CTNND2: variants seen among roughly 807,000 people sequenced by gnomAD.
CTNND2 encodes the protein catenin delta-2.
In CTNND2, 22 loss-of-function variants were observed where a neutral mutation model predicts 144.4. That is an observed-to-expected ratio of 0.15 (90% CI 0.11 to 0.22). The LOEUF (loss-of-function observed/expected upper bound fraction) is 0.22. CTNND2 is among the 10% of genes least tolerant of loss of function. CTNND2 has a pLI of 1.00. For missense variants in CTNND2, 1,353 were observed against 1,618.8 expected, an observed-to-expected ratio of 0.84 and a Z score of 2.82; for synonymous variants, 751 against 695.6, an observed-to-expected ratio of 1.08 and a Z score of -1.25.
chr5:11,451,472 A>G (rs1765312416), intron 3 of CTNND2, among the ~76,000 whole-genome samples: 1 of 152,236 alleles, frequency 6.6e-6, no homozygotes, highest in Non-Finnish European at 1.5e-5. Flanking sequence ...CCAAAAATCC[A>G]AAATCTGAAA....
At chr5:11,012,537 C>T (rs886285784) in intron 18 of CTNND2, among the ~76,000 whole-genome samples, 4 of 152,192 alleles carry the variant, frequency 2.6e-5, no homozygotes, top group South Asian at 4.1e-4. Context: ...GCAACCCTAG[C>T]GCATCTGAAA....
At chr5:11,429,427 G>A (rs1449448943) in intron 3 of CTNND2, among the ~76,000 whole-genome samples, 1 of 152,110 alleles carries the variant, frequency 6.6e-6, no homozygotes, top group Non-Finnish European at 1.5e-5. Flanking sequence ...TGCCTCTGGT[G>A]CCCACGTGTT....
At chr5:11,718,171 A>C (rs1319629430) in intron 2 of CTNND2, among the ~76,000 whole-genome samples, 1 of 152,190 alleles carries the variant, frequency 6.6e-6, no homozygotes, top group Non-Finnish European at 1.5e-5. Context: ...TATTCCAGGC[A>C]CTACGACAGG....
At chr5:11,742,049 G>GA (rs1177911915) in intron 1 of CTNND2, among the ~76,000 whole-genome samples, 1 of 151,798 alleles carries the variant, frequency 6.6e-6, no homozygotes, top group Non-Finnish European at 1.5e-5. Flanking sequence ...GGGACTCGGG[G>GA]GGAAAGGGTG....
intron 1 of CTNND2, among the ~76,000 whole-genome samples, chr5:11,815,555 G>A (rs1212796637): frequency 6.6e-6 from 1 of 151,942 alleles, no homozygotes; most frequent in Non-Finnish European, 1.5e-5. Flanking sequence ...ATAATCCCAA[G>A]GGGTTTTTTT....
At chr5:11,295,440 T>C (rs1748825139) in intron 9 of CTNND2, among the ~76,000 whole-genome samples, 1 of 152,156 alleles carries the variant, frequency 6.6e-6, no homozygotes, top group Non-Finnish European at 1.5e-5. Flanking sequence ...GCCATCCCCA[T>C]CAAGCTACCA....
intron 7 of CTNND2, among the ~76,000 whole-genome samples, chr5:11,375,467 T>C (rs780762954): frequency 2.6e-5 from 4 of 152,230 alleles, no homozygotes; most frequent in Non-Finnish European, 5.9e-5. Context: ...TTCTGTTATG[T>C]AATAAACAGT....
intron 1 of CTNND2, among the ~76,000 whole-genome samples, chr5:11,806,958 TTTTC>T (rs1792038611): frequency 6.6e-6 from 1 of 152,084 alleles, no homozygotes; most frequent in Non-Finnish European, 1.5e-5. Context: ...GTGATTCTCT[TTTTC>T]TTTATGTTTT....
At chr5:11,736,961 T>C (rs1787715426) in intron 1 of CTNND2, among the ~76,000 whole-genome samples, 1 of 152,220 alleles carries the variant, frequency 6.6e-6, no homozygotes, top group Non-Finnish European at 1.5e-5. Flanking sequence ...CAAACATTGC[T>C]CTACAGTTTA....
intron 20 of CTNND2, among the ~76,000 whole-genome samples, chr5:10,984,759 T>C (rs1295354233): frequency 7.2e-5 from 11 of 152,164 alleles, no homozygotes; most frequent in Admixed American, 3.9e-4. Context: ...AATCAACACA[T>C]TGAAGACTAG....
intron 2 of CTNND2, among the ~76,000 whole-genome samples, chr5:11,589,516 T>C (rs1479140406): frequency 6.6e-6 from 1 of 152,240 alleles, no homozygotes; most frequent in East Asian, 1.9e-4. Flanking sequence ...TGAAATAGAT[T>C]ACAATTCAAA....
intron 2 of CTNND2, among the ~76,000 whole-genome samples, chr5:11,664,212 T>C (rs1010051380): frequency 6.6e-5 from 10 of 152,334 alleles, no homozygotes; most frequent in African/African-American, 9.6e-5. Context: ...TTGTTATCAA[T>C]AGAACATTTT....
At chr5:11,429,532 T>G (rs1347586972) in intron 3 of CTNND2, among the ~76,000 whole-genome samples, 1 of 152,182 alleles carries the variant, frequency 6.6e-6, no homozygotes, top group African/African-American at 2.4e-5. Flanking sequence ...TCATTTTTAA[T>G]TTGTTGATTT....
chr5:11,404,600 T>TTA (rs1482739025), intron 5 of CTNND2, among the ~76,000 whole-genome samples: 1 of 125,358 alleles, frequency 8.0e-6, no homozygotes, highest in Non-Finnish European at 1.6e-5. Context: ...AGTATCTGTA[T>TTA]TCTTTTTTTT....
intron 16 of CTNND2, among the ~76,000 whole-genome samples, chr5:11,050,858 C>T (rs1745758154): frequency 6.6e-6 from 1 of 152,210 alleles, no homozygotes; most frequent in Admixed American, 6.5e-5. Context: ...TACACCCCAA[C>T]CAATCACCAG....
intron 11 of CTNND2, among the ~76,000 whole-genome samples, chr5:11,187,850 A>G (rs962914092): frequency 7.2e-5 from 11 of 152,248 alleles, no homozygotes; most frequent in Admixed American, 3.9e-4. Flanking sequence ...ACCTATGAAA[A>G]AAGCTCAACA....
chr5:11,046,369 C>T (rs1745256005), intron 16 of CTNND2, among the ~76,000 whole-genome samples: 1 of 152,298 alleles, frequency 6.6e-6, no homozygotes. Context: ...TCAGCAGAAG[C>T]GAGGGCGGCA....
Position 11,412,026 on chromosome 5 carries a change from A to T in CTNND2, c.322+9T>A, listed in dbSNP as rs758709405. On this transcript the variant is annotated intron_variant, in intron 4 of 21. Transcript: ENST00000304623. ...AAGTGTAAGTGTTCATCAATAAGAT[A>T]GACATTACCTTGTGACTGCCACTGA... The T allele has an allele frequency of 6.2e-7, 1 of 1,605,534 alleles. No individual in the cohort carries two copies. The highest frequency in any genetic ancestry group is 1.3e-5 in the African/African-American group (1 of 74,720).
chr5:11,614,472 G>A (rs987747913), intron 2 of CTNND2, among the ~76,000 whole-genome samples: 3 of 152,148 alleles, frequency 2.0e-5, no homozygotes, highest in Non-Finnish European at 2.9e-5. Flanking sequence ...AAAACAATTA[G>A]ACAACCATTT....
Sources: allele counts gnomAD v4.1 joint callset (sites outside exome capture counted in the v4.1 genomes callset), GRCh38; gene constraint gnomAD v4.1.1; transcripts MANE v1.5; gene names NCBI Gene and HGNC (gene_info 2026-07-23, HGNC 2026-07-21).